The following TANC1 variants were observed in gnomAD, a reference collection of about 807,000 sequenced individuals.
TANC1 encodes the protein tetratricopeptide repeat, ankyrin repeat and coiled-coil containing 1, also known as protein TANC1.
TANC1 carries 77 observed loss-of-function variants against 149.7 expected under a neutral mutation model. The ratio of observed to expected loss-of-function variants is 0.51; its 90% CI spans 0.43 to 0.62. The LOEUF is 0.62. Among genes scored for constraint, TANC1 ranks in the 20% least tolerant of loss-of-function variants. TANC1 has a pLI of 0.00. For synonymous variants in TANC1, 854 were observed against 925.0 expected, an observed-to-expected ratio of 0.92 and a Z score of 1.39; for missense variants, 1,985 against 2,321.8, an observed-to-expected ratio of 0.85 and a Z score of 2.98.
intron 2 of TANC1, among the ~76,000 whole-genome samples, chr2:159,039,494 T>A (rs1049267655): frequency 6.6e-6 from 1 of 152,220 alleles, no homozygotes; most frequent in Non-Finnish European, 1.5e-5. Flanking sequence ...CATTTAGTGC[T>A]ATAAATTTCC....
At chr2:159,189,034 C>G (rs2150643280) in intron 16 of TANC1, among the ~76,000 whole-genome samples, 1 of 152,386 alleles carries the variant, frequency 6.6e-6, no homozygotes, top group South Asian at 2.1e-4. Context: ...GCGCTCAGCT[C>G]GGCCTTACTC....
chr2:159,164,019 C>T (rs1305435478), intron 8 of TANC1, among the ~76,000 whole-genome samples: 5 of 152,102 alleles, frequency 3.3e-5, no homozygotes, highest in Admixed American at 1.3e-4. Context: ...ATGGAGCTCA[C>T]GGCTTAAAAT....
intron 7 of TANC1, among the ~76,000 whole-genome samples, chr2:159,151,131 G>T (rs181027027): frequency 6.6e-6 from 1 of 152,252 alleles, no homozygotes; most frequent in Admixed American, 6.5e-5. Flanking sequence ...CTCTTACGCC[G>T]ATTTGCCCGG....
intron 4 of TANC1, among the ~76,000 whole-genome samples, chr2:159,114,565 G>A (rs1348528471): frequency 3.3e-5 from 5 of 152,178 alleles, no homozygotes; most frequent in African/African-American, 4.8e-5. Flanking sequence ...AAATAAACCT[G>A]TTGAGTTCAA....
intron 3 of TANC1, among the ~76,000 whole-genome samples, chr2:159,085,822 G>A (rs565011770): frequency 2.6e-5 from 4 of 152,308 alleles, no homozygotes; most frequent in Admixed American, 2.6e-4. Flanking sequence ...CCCACCTAGT[G>A]CGGATTACAT....
At chr2:159,099,295 T>G (rs1412873792) in intron 4 of TANC1, among the ~76,000 whole-genome samples, 1 of 152,150 alleles carries the variant, frequency 6.6e-6, no homozygotes, top group Non-Finnish European at 1.5e-5. Flanking sequence ...ATGTCCGTCC[T>G]TCCTTCTTTG....
intron 2 of TANC1, chr2:159,004,281 G>C (rs554860979): frequency 5.0e-6 from 8 of 1,612,134 alleles, no homozygotes; most frequent in Non-Finnish European, 4.2e-6. Context: ...TCCAGATCTT[G>C]TAGAAAATTT....
At chr2:159,051,524 G>A (rs146743083) in intron 2 of TANC1, among the ~76,000 whole-genome samples, 22 of 152,274 alleles carry the variant, frequency 1.4e-4, no homozygotes, top group East Asian at 1.3e-3. Flanking sequence ...TACATGGCGC[G>A]TAACATACCT....
At chr2:159,129,434 G>C (rs1389184276) in intron 4 of TANC1, among the ~76,000 whole-genome samples, 1 of 152,190 alleles carries the variant, frequency 6.6e-6, no homozygotes, top group Non-Finnish European at 1.5e-5. Flanking sequence ...GCAGAATTCT[G>C]AATGGGGAGA....
intron 1 of TANC1, among the ~76,000 whole-genome samples, chr2:158,995,730 T>G (rs2149301265): frequency 6.6e-6 from 1 of 152,326 alleles, no homozygotes. Flanking sequence ...TTTCTCAGGA[T>G]GCTTCCCCAG....
chr2:159,016,581 GT>G (rs1298799391), intron 2 of TANC1, among the ~76,000 whole-genome samples: 10 of 147,316 alleles, frequency 6.8e-5, no homozygotes, highest in East Asian at 4.0e-4. Flanking sequence ...AAAATTTTTT[GT>G]TTTTTTTTTT....
At chr2:159,194,769 G>T (rs186730316) in intron 17 of TANC1, among the ~76,000 whole-genome samples, 9 of 152,320 alleles carry the variant, frequency 5.9e-5, no homozygotes, top group Admixed American at 2.6e-4. Flanking sequence ...CCTTTAAAAA[G>T]CCTGCAAGTA....
chr2:159,113,538 T>C (rs957882167), intron 4 of TANC1, among the ~76,000 whole-genome samples: 2 of 152,248 alleles, frequency 1.3e-5, no homozygotes, highest in African/African-American at 4.8e-5. Flanking sequence ...GGAAGAATGC[T>C]GCCCTTGCCA....
intron 2 of TANC1, among the ~76,000 whole-genome samples, chr2:159,026,239 C>T (rs2039331011): frequency 6.6e-6 from 1 of 152,146 alleles, no homozygotes; most frequent in Admixed American, 6.5e-5. Context: ...GGCCTTGCTT[C>T]AGTTTTTAGC....
At chr2:159,053,414 C>T (rs1035977162) in intron 2 of TANC1, among the ~76,000 whole-genome samples, 1 of 152,158 alleles carries the variant, frequency 6.6e-6, no homozygotes, top group South Asian at 2.1e-4. Flanking sequence ...CAGAGGAGAG[C>T]GCAGTGATGC....
At chr2:159,068,173 T>C (rs1461466586) in intron 3 of TANC1, among the ~76,000 whole-genome samples, 2 of 152,184 alleles carry the variant, frequency 1.3e-5, no homozygotes, top group Non-Finnish European at 2.9e-5. Context: ...CACAGGATTG[T>C]TGGGGGAAAT....
chr2:158,993,535 T>A (rs905974862), intron 1 of TANC1, among the ~76,000 whole-genome samples: 1 of 152,190 alleles, frequency 6.6e-6, no homozygotes, highest in Admixed American at 6.5e-5. Flanking sequence ...TTATTTTTTT[T>A]AAGGCTAGTC....
chr2:159,221,696 A>T (rs1159970746), intron 22 of TANC1, among the ~76,000 whole-genome samples: 1 of 152,206 alleles, frequency 6.6e-6, no homozygotes, highest in Non-Finnish European at 1.5e-5. Flanking sequence ...ATAGTATTTC[A>T]TCATGTACAT....
intron 7 of TANC1, among the ~76,000 whole-genome samples, chr2:159,160,849 G>T (rs1479992551): frequency 6.6e-6 from 1 of 152,130 alleles, no homozygotes; most frequent in Non-Finnish European, 1.5e-5. Context: ...CTTACAATAT[G>T]TTCATTTCTA....
Sources: gnomAD v4.1 joint callset for allele counts (sites outside exome capture counted in the v4.1 genomes callset) on GRCh38, gnomAD v4.1.1 for gene constraint, MANE v1.5 for transcripts, NCBI Gene and HGNC (gene_info 2026-07-23, HGNC 2026-07-21) for gene names.